Variants in JAKMIP3 observed in about 807,000 individuals in gnomAD.
JAKMIP3 encodes the protein Janus kinase and microtubule interacting protein 3.
Under a neutral mutation model 118.5 loss-of-function variants are expected in JAKMIP3, and 58 were observed. The observed-to-expected ratio is 0.49, with a 90% CI of 0.40 to 0.61. The LOEUF is 0.61. Ranked by LOEUF, JAKMIP3 falls within the 20% of genes least tolerant of loss-of-function variation. JAKMIP3 has a pLI of 0.00. For synonymous variants in JAKMIP3, 486 were observed against 451.2 expected (o/e 1.08, Z -0.98); for missense variants, 950 against 1,109.0 (o/e 0.86, Z 2.04).
chr10:132,138,780 G>A (rs547457105), intron 9 of JAKMIP3, among the ~76,000 whole-genome samples: 79 of 152,192 alleles, frequency 5.2e-4, no homozygotes, highest in African/African-American at 1.9e-3. Context: ...CTCTGAGGAC[G>A]GGCGGCTGAG....
intron 1 of JAKMIP3, among the ~76,000 whole-genome samples, chr10:132,053,793 G>GGGAGGC (rs1033742227): frequency 2.0e-5 from 3 of 151,888 alleles, no homozygotes; most frequent in Non-Finnish European, 2.9e-5. Context: ...CCAGCACTTT[G>GGGAGGC]GGAGGCCGAG....
At chr10:132,110,313 G>A (rs2046666793) in intron 2 of JAKMIP3, among the ~76,000 whole-genome samples, 1 of 152,268 alleles carries the variant, frequency 6.6e-6, no homozygotes. Context: ...CTCCCGGGCT[G>A]CTGGTGCCTC....
chr10:132,038,898 G>A (rs898036512), intron 1 of JAKMIP3, among the ~76,000 whole-genome samples: 3 of 152,124 alleles, frequency 2.0e-5, no homozygotes, highest in Non-Finnish European at 4.4e-5. Context: ...CCCTGTTAGG[G>A]TACAAGAGCT....
chr10:132,061,178 C>T (rs1413974476), upstream of JAKMIP3, among the ~76,000 whole-genome samples: 1 of 120,642 alleles, frequency 8.3e-6, no homozygotes, highest in Non-Finnish European at 2.0e-5. Context: ...AGCACACACA[C>T]ACCTGCCGTG....
rs373724588 is a variant in JAKMIP3 at position 132,117,559 on chromosome 10, G to C, written c.618G>C (p.Arg206=). The C allele has an allele frequency of 5.5e-5, 85 of 1,558,420 alleles. No individual in the cohort carries two copies. In the African/African-American group the frequency reaches 1.0e-3, roughly 19 times the overall value. ...EITRIKKECE[R]EIRRLMEEIK... is the part of the protein sequence containing the mutation. ...CCCGCATCAAGAAGGAGTGCGAGCG[G>C]GAGATCCGCAGGCTGGTACGTGGGC... The change falls in exon 3 of 24, where the codon CGG becomes CGC. Residue 206 remains arginine, a synonymous_variant. Coordinates refer to ENST00000684848, the MANE Select transcript of JAKMIP3 (RefSeq NM_001323087.2). This position sits in a 1 kb window ranked among gnomAD's most constrained non-coding sequence, Gnocchi z 8.6.
chr10:132,097,839 T>G (rs1279716546), intron 1 of JAKMIP3, among the ~76,000 whole-genome samples: 2 of 148,960 alleles, frequency 1.3e-5, no homozygotes, highest in Non-Finnish European at 3.0e-5. Flanking sequence ...GAACCTAAGC[T>G]TCCTATCACA....
intron 23 of JAKMIP3, among the ~76,000 whole-genome samples, chr10:132,180,616 CGTGTGT>C (rs1318352347): frequency 2.5e-3 from 36 of 14,604 alleles, no homozygotes; most frequent in African/African-American, 5.9e-3. Flanking sequence ...TGTGTGTGTG[CGTGTGT>C]GTGCGTGTGT....
In JAKMIP3 at chr10:132,139,296, GTA is replaced by G. The variant is rs757096032; in HGVS notation, c.1344+1120_1344+1121del. ...TACATGTGAGTGTATATGCATCTGT[GTA>G]TGTGTGTGAGTGTGTATGTGTATGT... On this transcript the variant is annotated intron_variant, in intron 9 of 23. Coordinates refer to ENST00000684848, the MANE Select transcript of JAKMIP3 (RefSeq NM_001323087.2). Among the ~76,000 whole-genome samples the G allele has an allele frequency of 1.2e-3, 139 of 116,774 alleles. 10 individuals carry two copies. The East Asian group carries it at 0.036, about 30-fold the overall frequency. 76.6% of individuals were successfully genotyped at this position (116,774 alleles called of 152,430 possible).
intron 16 of JAKMIP3, 114 bp downstream of exon 16, chr10:132,150,155 G>C: frequency 1.3e-6 from 1 of 758,784 alleles, no homozygotes. Context: ...GGGCCACCCT[G>C]CCTGAGACCC....
At chr10:132,094,361 T>G (rs151031977) in intron 1 of JAKMIP3, among the ~76,000 whole-genome samples, 4,178 of 152,230 alleles carry the variant, frequency 0.027, 85 homozygotes, top group Middle Eastern at 0.054. Flanking sequence ...AGAGTTGGTT[T>G]TCTGGTTCCC....
At chr10:132,059,316 CTG>C (rs547055574) in intron 1 of JAKMIP3, among the ~76,000 whole-genome samples, 292 of 152,384 alleles carry the variant, frequency 1.9e-3, no homozygotes, top group South Asian at 3.5e-3. Flanking sequence ...CCAGGAGACA[CTG>C]TGCGCTGGCC....
intron 11 of JAKMIP3, chr10:132,144,847 T>A: frequency 2.5e-6 from 1 of 401,808 alleles, no homozygotes; most frequent in South Asian, 2.9e-5. Flanking sequence ...GAGGATCACT[T>A]GAGCTCGGGA....
intron 23 of JAKMIP3, among the ~76,000 whole-genome samples, chr10:132,171,523 C>T (rs981097711): frequency 2.6e-5 from 4 of 152,196 alleles, no homozygotes; most frequent in African/African-American, 9.7e-5. Flanking sequence ...TCCCTTCTCT[C>T]CAATTAGCTT....
rs1163738874 is a variant in JAKMIP3, at chr10:132,097,419, TG to T, written c.-137-7251del. On this transcript the variant is annotated intron_variant, in intron 1 of 23. Coordinates refer to ENST00000684848, the MANE Select transcript of JAKMIP3 (RefSeq NM_001323087.2). ...CTGTGGGTGCCCATGGTAACCTGCG[TG>T]GCCCTCCAAGCATCACACGGACTCT... 3.3e-5 allele frequency among the ~76,000 whole-genome samples: 5 copies of T among 151,968 alleles called. No individual in the cohort carries two copies. The East Asian group carries it at 9.7e-4, about 29-fold the overall frequency.
At chr10:132,071,590 C>G (rs1415487586) in intron 1 of JAKMIP3, among the ~76,000 whole-genome samples, 2 of 152,138 alleles carry the variant, frequency 1.3e-5, no homozygotes, top group Non-Finnish European at 2.9e-5. Context: ...ATCCCTGTTT[C>G]TACTTCTGTT....
intron 6 of JAKMIP3, 30 bp from the exon 7 acceptor site, chr10:132,136,989 A>T: frequency 1.2e-6 from 2 of 1,606,458 alleles, no homozygotes; most frequent in Non-Finnish European, 1.7e-6. Flanking sequence ...TCACTCCCCA[A>T]CTTGTGATGT....
intron 23 of JAKMIP3, among the ~76,000 whole-genome samples, chr10:132,180,776 T>TGTGTGCGC (rs2061292309): frequency 2.2e-5 from 1 of 44,618 alleles, no homozygotes; most frequent in Non-Finnish European, 4.3e-5. Flanking sequence ...TGTGCGTGTG[T>TGTGTGCGC]GTGTGTGCGC....
At chr10:132,177,689 C>T (rs1331475195) in intron 23 of JAKMIP3, among the ~76,000 whole-genome samples, 1 of 131,824 alleles carries the variant, frequency 7.6e-6, no homozygotes, top group Non-Finnish European at 1.6e-5. Flanking sequence ...TGCATTTGGC[C>T]GTGGTGTGTG....
intron 1 of JAKMIP3, among the ~76,000 whole-genome samples, chr10:132,097,751 G>GTT (rs71010000): frequency 2.0e-5 from 3 of 147,006 alleles, no homozygotes; most frequent in Admixed American, 1.3e-4. Context: ...CAAACTAAAA[G>GTT]TTTTTTTTTT....
Sources: gnomAD v4.1 joint callset for allele counts (sites outside exome capture counted in the v4.1 genomes callset) on GRCh38, gnomAD v4.1.1 for gene constraint, Gnocchi (gnomAD v3.1) non-coding constraint, MANE v1.5 for transcripts, NCBI Gene and HGNC (gene_info 2026-07-23, HGNC 2026-07-21) for gene names.